The following SMYD3 variants were observed in gnomAD, a reference collection of about 807,000 sequenced individuals.
SMYD3 encodes the protein SET and MYND domain containing 3.
In SMYD3, 36 loss-of-function variants were observed where a neutral mutation model predicts 57.7. The ratio of observed to expected loss-of-function variants is 0.62; its 90% CI spans 0.48 to 0.82. The LOEUF (loss-of-function observed/expected upper bound fraction) is 0.82. Among genes scored for constraint, SMYD3 ranks in the 40% least tolerant of loss-of-function variants. The pLI, the probability that SMYD3 is intolerant of heterozygous loss-of-function variation, is 0.00. For missense variants in SMYD3, 515 were observed against 538.8 expected, an observed-to-expected ratio of 0.96 and a Z score of 0.44; for synonymous variants, 211 against 195.0, an observed-to-expected ratio of 1.08 and a Z score of -0.68.
intron 5 of SMYD3, among the ~76,000 whole-genome samples, chr1:246,265,305 T>TG (rs1194174217): frequency 2.9e-5 from 4 of 138,824 alleles, no homozygotes; most frequent in African/African-American, 1.1e-4. Context: ...CTAATTTTTG[T>TG]ATTTTTTTTT....
intron 10 of SMYD3, among the ~76,000 whole-genome samples, chr1:245,810,765 GAAAGACGCACTTTTC>G (rs11272498): frequency 0.79 from 120,747 of 152,026 alleles, 50,472 homozygotes; most frequent in Non-Finnish European, 0.93. Flanking sequence ...GAACTGCAGA[GAAAGACGCACTTTTC>G]AAAGAATTCC....
intron 5 of SMYD3, among the ~76,000 whole-genome samples, chr1:246,205,967 C>T (rs926502849): frequency 1.3e-5 from 2 of 152,126 alleles, no homozygotes; most frequent in African/African-American, 4.8e-5. Flanking sequence ...TGAACAAATA[C>T]TAAATTCACT....
rs370296346 is a variant in SMYD3 at position 246,072,055 on chromosome 1, G to C, written c.532-142118C>G. ...GTGTGCTTTCCGCTGTGCTCACTGT[G>C]GATGCATCGTGTAGTTCTGGGGAGG... On this transcript the variant is annotated intron_variant, in intron 5 of 11. Transcript: ENST00000490107. 1.0e-3 allele frequency among the ~76,000 whole-genome samples: 26 copies of C among 26,008 alleles called. 1 individual carries two copies. The highest frequency in any genetic ancestry group is 4.2e-3 in the East Asian group (2 of 472). The allele number at this position is 26,008 out of a possible 152,430, so 17.1% of individuals were successfully genotyped here. A position where few individuals can be genotyped will look rare whatever the true frequency, so the allele number is the denominator to read the frequency against.
At chr1:246,041,887 T>C (rs1389875680) in intron 5 of SMYD3, among the ~76,000 whole-genome samples, 3 of 152,108 alleles carry the variant, frequency 2.0e-5, no homozygotes, top group African/African-American at 7.2e-5. Context: ...AAACTACCAA[T>C]AAAAATTGCT....
At chr1:246,131,160 C>A (rs894244252) in intron 5 of SMYD3, among the ~76,000 whole-genome samples, 1 of 152,164 alleles carries the variant, frequency 6.6e-6, no homozygotes, top group African/African-American at 2.4e-5. Flanking sequence ...TTACTTATGT[C>A]TTCCTTTGCA....
At chr1:245,937,263 T>C (rs902802888) in intron 5 of SMYD3, among the ~76,000 whole-genome samples, 4 of 152,130 alleles carry the variant, frequency 2.6e-5, no homozygotes, top group Non-Finnish European at 5.9e-5. Flanking sequence ...AATCATAAAA[T>C]TGTGCTTTCT....
rs1293767754 is a variant in SMYD3, at chr1:245,749,384, T to C, written c.*179A>G. On this transcript the variant is annotated 3_prime_UTR_variant, in exon 12 of 12. Coordinates refer to ENST00000490107, the MANE Select transcript of SMYD3 (RefSeq NM_001167740.2). The stretch of plus-strand genomic sequence containing the variant: ...TGTTTTGAATTTATTATAATCGTGC[T>C]TCTCTACAACTAATGATTCTTGTGG... 1 of 504,626 alleles carries C rather than the reference T, an allele frequency of 2.0e-6. No individual in the cohort carries two copies. Among genetic ancestry groups the C allele is most frequent in the African/African-American group, 1.9e-5 (1 of 51,404 alleles). The allele number at this position is 504,626 out of a possible 1,614,324, so 31.3% of individuals were successfully genotyped here.
intron 1 of SMYD3, among the ~76,000 whole-genome samples, chr1:246,392,783 C>CAA (rs796240166): frequency 1.3e-5 from 1 of 79,384 alleles, no homozygotes; most frequent in Admixed American, 1.4e-4. Context: ...GGTTCAACAG[C>CAA]AAAAAAAAAA....
At chr1:245,809,922 T>C (rs2048368622) in intron 10 of SMYD3, among the ~76,000 whole-genome samples, 1 of 152,342 alleles carries the variant, frequency 6.6e-6, no homozygotes. Context: ...ATTGTCATTT[T>C]CACAAAGTCC....
At chr1:246,285,247 GAAC>G (rs1196869678) in intron 5 of SMYD3, among the ~76,000 whole-genome samples, 1 of 152,134 alleles carries the variant, frequency 6.6e-6, no homozygotes, top group East Asian at 1.9e-4. Context: ...ACTTCACTTA[GAAC>G]AACAGTCTCC....
chr1:246,082,340 T>A (rs1010047919), intron 5 of SMYD3, among the ~76,000 whole-genome samples: 1 of 152,188 alleles, frequency 6.6e-6, no homozygotes, highest in Non-Finnish European at 1.5e-5. Context: ...ACTATTGTAG[T>A]ACCTAAGATT....
Position 246,424,972 on chromosome 1 carries a change from TACTA to T in SMYD3, c.165-69882_165-69879del, listed in dbSNP as rs1457100203. On this transcript the variant is annotated intron_variant, in intron 1 of 11. Transcript: ENST00000490107. Reference sequence around the variant, plus strand: ...TTACATAGCGATAATAGTAATCAAGTACTAACTATGATAGAATTCATATTGGCGG... The same window carrying T: ...TTACATAGCGATAATAGTAATCAAGTACTATGATAGAATTCATATTGGCGG... Among the ~76,000 whole-genome samples the T allele has an allele frequency of 3.3e-5, 5 of 152,188 alleles. No homozygotes were observed. In the East Asian group the frequency reaches 5.8e-4, roughly 18 times the overall value.
At chr1:246,463,181 T>C (rs2067828090) in intron 1 of SMYD3, among the ~76,000 whole-genome samples, 1 of 151,886 alleles carries the variant, frequency 6.6e-6, no homozygotes, top group South Asian at 2.1e-4. Context: ...GGAACAAGAA[T>C]GAATACCAGG....
intron 8 of SMYD3, among the ~76,000 whole-genome samples, chr1:245,905,202 T>C (rs10802293): frequency 0.7 from 106,659 of 151,478 alleles, 40,335 homozygotes; most frequent in Non-Finnish European, 0.86. Context: ...ACTCCTTCTG[T>C]TTGAGAAAAG....
chr1:246,506,805 A>AGGTT (rs1294333884), intron 1 of SMYD3, among the ~76,000 whole-genome samples: 1 of 147,996 alleles, frequency 6.8e-6, no homozygotes, highest in Non-Finnish European at 1.5e-5. Flanking sequence ...ACCGCAGCCC[A>AGGTT]GGTTGGGGGG....
intron 5 of SMYD3, among the ~76,000 whole-genome samples, chr1:246,308,606 C>T (rs142343435): frequency 1.5e-3 from 232 of 152,246 alleles, no homozygotes; most frequent in African/African-American, 5.0e-3. Context: ...TTCAAAACAG[C>T]AATACCATAT....
chr1:246,328,876 T>C (rs1248500947), intron 4 of SMYD3, among the ~76,000 whole-genome samples: 1 of 151,436 alleles, frequency 6.6e-6, no homozygotes, highest in Non-Finnish European at 1.5e-5. Flanking sequence ...GAGTGTGCTG[T>C]TCCCCTTCCT....
chr1:245,816,911 C>T (rs912735896), intron 10 of SMYD3, among the ~76,000 whole-genome samples: 15 of 150,496 alleles, frequency 1.0e-4, no homozygotes, highest in African/African-American at 1.9e-4. Context: ...GACGGAGTCT[C>T]GCTGATTGCC....
intron 5 of SMYD3, among the ~76,000 whole-genome samples, chr1:246,194,321 G>GCA (rs1398132256): frequency 6.6e-6 from 1 of 151,186 alleles, no homozygotes. Flanking sequence ...AGGCTGGAGT[G>GCA]CAGTAGTGCG....
Sources: allele counts gnomAD v4.1 joint callset (sites outside exome capture counted in the v4.1 genomes callset), GRCh38; gene constraint gnomAD v4.1.1; transcripts MANE v1.5; gene names NCBI Gene and HGNC (gene_info 2026-07-23, HGNC 2026-07-21).